The following RAB3GAP1 variants were observed in gnomAD, a reference collection of about 807,000 sequenced individuals.
RAB3GAP1 encodes the protein rab3 GTPase-activating protein catalytic subunit.
Under a neutral mutation model 130.7 loss-of-function variants are expected in RAB3GAP1, and 86 were observed. The ratio of observed to expected loss-of-function variants is 0.66; its 90% confidence interval spans 0.55 to 0.79. The LOEUF is 0.79. Ranked by LOEUF, RAB3GAP1 falls within the 30% of genes least tolerant of loss-of-function variation. The pLI, the probability that RAB3GAP1 is intolerant of heterozygous loss-of-function variation, is 0.00. For missense variants in RAB3GAP1, 1,029 were observed against 1,169.4 expected, an observed-to-expected ratio of 0.88 and a Z score of 1.75; for synonymous variants, 367 against 401.7, an observed-to-expected ratio of 0.91 and a Z score of 1.03.
At chr2:135,088,396 T>C (rs1349982298) in intron 3 of RAB3GAP1, among the ~76,000 whole-genome samples, 2 of 151,904 alleles carry the variant, frequency 1.3e-5, no homozygotes, top group Non-Finnish European at 1.5e-5. Context: ...ACAAAAAAAA[T>C]TATGATTTTT....
chr2:135,094,339 CT>C (rs1409481392), intron 5 of RAB3GAP1, among the ~76,000 whole-genome samples: 3 of 151,806 alleles, frequency 2.0e-5, no homozygotes, highest in Admixed American at 6.6e-5. Context: ...ACATATTTAT[CT>C]TTTTTTCAAA....
intron 7 of RAB3GAP1, among the ~76,000 whole-genome samples, chr2:135,119,932 A>G (rs910477126): frequency 1.3e-5 from 2 of 152,176 alleles, no homozygotes; most frequent in Non-Finnish European, 2.9e-5. Flanking sequence ...GATAGTATTA[A>G]GTTTTGTGAT....
chr2:135,153,534 A>G (rs1451568270), intron 18 of RAB3GAP1, 115 bp from the exon 19 acceptor site: 19 of 919,078 alleles, frequency 2.1e-5, no homozygotes, highest in Middle Eastern at 5.9e-4. Context: ...TTCATTTTAC[A>G]TATTAGATTG....
chr2:135,080,079 A>G (rs1245094130), intron 3 of RAB3GAP1, among the ~76,000 whole-genome samples: 1 of 147,332 alleles, frequency 6.8e-6, no homozygotes, highest in East Asian at 2.0e-4. Flanking sequence ...ATCGCACCAC[A>G]GCACTCCCGC....
chr2:135,059,498 TTTA>T (rs1268786374), intron 3 of RAB3GAP1, among the ~76,000 whole-genome samples: 1 of 152,248 alleles, frequency 6.6e-6, no homozygotes, highest in East Asian at 1.9e-4. Context: ...AAAATTTTAT[TTTA>T]TTATTATTTT....
chr2:135,081,361 T>TATATATATATACAC (rs1216831944), intron 3 of RAB3GAP1, among the ~76,000 whole-genome samples: 12 of 71,236 alleles, frequency 1.7e-4, no homozygotes, highest in South Asian at 7.9e-4. Flanking sequence ...TATATATATA[T>TATATATATATACAC]ACACACACGT....
At chr2:135,105,537 A>G (rs1367129091) in intron 5 of RAB3GAP1, among the ~76,000 whole-genome samples, 2 of 152,012 alleles carry the variant, frequency 1.3e-5, no homozygotes, top group African/African-American at 2.4e-5. Context: ...CTCAGTGCTC[A>G]ATGTTGCCCA....
rs570044011 is a variant in RAB3GAP1, at chr2:135,105,917, G to A, written c.363-7234G>A. ...TGGGAGGTGAGGAGCATCTCTGCCC[G>A]GCCGCCCCGTCTGAGAAGTGAGGAG... On this transcript the variant is annotated intron_variant, in intron 5 of 23. Transcript: ENST00000264158. 2.0e-4 allele frequency among the ~76,000 whole-genome samples: 30 copies of A among 151,234 alleles called. No homozygotes were observed. The East Asian group carries it at 5.7e-3, about 29-fold the overall frequency.
intron 17 of RAB3GAP1, among the ~76,000 whole-genome samples, chr2:135,140,486 A>G (rs899785510): frequency 4.6e-5 from 7 of 152,258 alleles, no homozygotes; most frequent in Non-Finnish European, 8.8e-5. Flanking sequence ...GCTCGTGGCT[A>G]TAATTTATTA....
intron 5 of RAB3GAP1, among the ~76,000 whole-genome samples, chr2:135,111,686 C>T (rs1289877305): frequency 6.6e-6 from 1 of 152,206 alleles, no homozygotes; most frequent in Non-Finnish European, 1.5e-5. Context: ...AGTTTCAATA[C>T]TTGCCTCTTT....
chr2:135,063,798 C>T lies in RAB3GAP1; in HGVS notation c.150+5712C>T, dbSNP rs540610807. Among the ~76,000 whole-genome samples, 15 of 152,176 alleles carry T rather than the reference C, an allele frequency of 9.9e-5. No homozygotes were observed. The South Asian group carries it at 3.1e-3, about 32-fold the overall frequency. The stretch of plus-strand genomic sequence containing the variant: ...GCTATGAACGTGAATGTACAAATAT[C>T]TGTCAGGTTCCTGCTTTCAGTTCTT... On this transcript the variant is annotated intron_variant, in intron 3 of 23. Coordinates refer to ENST00000264158, the MANE Select transcript of RAB3GAP1 (RefSeq NM_012233.3).
Position 135,103,494 on chromosome 2 carries a change from G to A in RAB3GAP1, c.363-9657G>A, listed in dbSNP as rs139806252. 2.1e-3 allele frequency among the ~76,000 whole-genome samples: 323 copies of A among 152,240 alleles called. 2 individuals carry two copies. The highest frequency in any genetic ancestry group is 7.3e-3 in the African/African-American group (304 of 41,530). ...AATGTTAAGAGGACTTCTTGTAATG[G>A]CAGTGTGAAGTGGTTAGTGATTCCT... On this transcript the variant is annotated intron_variant, in intron 5 of 23. Transcript: ENST00000264158.
At chr2:135,141,707 T>G (rs547766857) in intron 17 of RAB3GAP1, among the ~76,000 whole-genome samples, 1 of 152,368 alleles carries the variant, frequency 6.6e-6, no homozygotes, top group Non-Finnish European at 1.5e-5. Flanking sequence ...ATCATTTGTT[T>G]GTGACCCACC....
At chr2:135,105,023 A>G (rs946172080) in intron 5 of RAB3GAP1, among the ~76,000 whole-genome samples, 3 of 152,228 alleles carry the variant, frequency 2.0e-5, no homozygotes, top group Admixed American at 2.0e-4. Context: ...TGAAAGATTA[A>G]CAGAAATTGT....
In RAB3GAP1 at chr2:135,126,564, T is replaced by G. The variant is rs752383161; in HGVS notation, c.900-19T>G. 1.3e-6 allele frequency: 2 copies of G among 1,590,832 alleles called. No homozygotes were observed. The highest frequency in any genetic ancestry group is 1.7e-6 in the Non-Finnish European group (2 of 1,158,890). On this transcript the variant is annotated intron_variant, in intron 10 of 23. Coordinates refer to ENST00000264158, the MANE Select transcript of RAB3GAP1 (RefSeq NM_012233.3). ...GATTGTCATAATTAGGATTTTATAT[T>G]TATTGGTTTGCATTTTAGTGATTTG... is the stretch of plus-strand genomic sequence containing the variant.
intron 3 of RAB3GAP1, among the ~76,000 whole-genome samples, chr2:135,087,432 G>A (rs1445403073): frequency 6.6e-6 from 1 of 152,212 alleles, no homozygotes; most frequent in Non-Finnish European, 1.5e-5. Flanking sequence ...GCCTGTTGCT[G>A]ATGTTTTGAT....
At chr2:135,075,707 G>A (rs1277360988) in intron 3 of RAB3GAP1, among the ~76,000 whole-genome samples, 1 of 145,984 alleles carries the variant, frequency 6.9e-6, no homozygotes, top group African/African-American at 2.5e-5. Context: ...CTTCATATGG[G>A]GGTTTTCCTC....
At chr2:135,105,331 G>A (rs1245478680) in intron 5 of RAB3GAP1, among the ~76,000 whole-genome samples, 7 of 150,542 alleles carry the variant, frequency 4.6e-5, no homozygotes, top group African/African-American at 1.7e-4. Context: ...CAACCTCCCT[G>A]CCTGATTCTC....
intron 2 of RAB3GAP1, among the ~76,000 whole-genome samples, chr2:135,053,578 C>G (rs1036242145): frequency 6.6e-6 from 1 of 152,094 alleles, no homozygotes; most frequent in African/African-American, 2.4e-5. Flanking sequence ...TTGTGGATGT[C>G]GTGTCATTAG....
Sources: allele counts gnomAD v4.1 joint callset (sites outside exome capture counted in the v4.1 genomes callset), GRCh38; gene constraint gnomAD v4.1.1; transcripts MANE v1.5; gene names NCBI Gene and HGNC (gene_info 2026-07-23, HGNC 2026-07-21).